The following LARP1 variants were observed in gnomAD, a reference collection of about 807,000 sequenced individuals.
LARP1 encodes the protein La ribonucleoprotein 1, translational regulator.
A neutral mutation model predicts 122.7 loss-of-function variants in LARP1; 36 were observed. The ratio of observed to expected loss-of-function variants is 0.29; its 90% confidence interval spans 0.22 to 0.39. The LOEUF is 0.39. LARP1 is among the 10% of genes least tolerant of loss of function. LARP1 has a pLI of 1.00. For synonymous variants in LARP1, 539 were observed against 528.7 expected, an observed-to-expected ratio of 1.02 and a Z score of -0.27; for missense variants, 1,040 against 1,403.6, an observed-to-expected ratio of 0.74 and a Z score of 4.14.
Position 154,803,442 on chromosome 5 carries a change from A to G in LARP1, c.2233+29A>G, listed in dbSNP as rs370108774. The G allele has an allele frequency of 2.0e-5, 33 of 1,613,998 alleles. No individual in the cohort carries two copies. In the Admixed American group the frequency reaches 3.7e-4, roughly 18 times the overall value. ...AGAAGCAGACACCTGAGATCCTGAC[A>G]TGGGTGAGAGGATCTAGGGCCCTTG... On this transcript the variant is annotated intron_variant, in intron 12 of 18. Transcript: ENST00000518297. This position sits in a 1 kb window ranked among gnomAD's most constrained non-coding sequence, Gnocchi z 4.4.
chr5:154,714,157 T>C (rs1582185428), intron 1 of LARP1, among the ~76,000 whole-genome samples: 1 of 152,208 alleles, frequency 6.6e-6, no homozygotes. Context: ...GTCTGTTCCA[T>C]GGAAGCTTAG....
chr5:154,764,576 A>G (rs1346688405), intron 1 of LARP1, among the ~76,000 whole-genome samples: 3 of 126,562 alleles, frequency 2.4e-5, no homozygotes. Context: ...AGCCTAGGCA[A>G]TGCAGTGAGA....
intron 1 of LARP1, among the ~76,000 whole-genome samples, chr5:154,699,094 C>T (rs1417514366): frequency 2.0e-5 from 3 of 152,190 alleles, no homozygotes; most frequent in South Asian, 2.1e-4. Flanking sequence ...GGTCTGTTCC[C>T]ACTTGGCTAA....
chr5:154,685,133 A>C (rs1214393684), intron 1 of LARP1, among the ~76,000 whole-genome samples: 1 of 152,082 alleles, frequency 6.6e-6, no homozygotes, highest in African/African-American at 2.4e-5. Context: ...AATCCCAGCT[A>C]CTAAGGAGGC....
chr5:154,806,768 C>T (rs949863352), intron 15 of LARP1, among the ~76,000 whole-genome samples: 1 of 152,198 alleles, frequency 6.6e-6, no homozygotes, highest in Non-Finnish European at 1.5e-5. Context: ...TCATCCACTT[C>T]ACTTCTCTCT....
chr5:154,712,306 G>A (rs1755257403), upstream of LARP1, among the ~76,000 whole-genome samples: 2 of 152,232 alleles, frequency 1.3e-5, no homozygotes, highest in African/African-American at 4.8e-5. Context: ...GAGGCAGTGA[G>A]TGACTTGCCA....
intron 1 of LARP1, among the ~76,000 whole-genome samples, chr5:154,727,095 G>A (rs1280820158): frequency 6.6e-6 from 1 of 152,066 alleles, no homozygotes; most frequent in Admixed American, 6.6e-5. Flanking sequence ...TATTTTATAT[G>A]AAATGTGGTT....
chr5:154,741,217 G>C (rs1752866127), intron 1 of LARP1, among the ~76,000 whole-genome samples: 1 of 152,204 alleles, frequency 6.6e-6, no homozygotes, highest in Non-Finnish European at 1.5e-5. Flanking sequence ...TCATAGAGCT[G>C]CAGTCAGAAC....
intron 1 of LARP1, among the ~76,000 whole-genome samples, chr5:154,693,772 C>T (rs576086258): frequency 6.6e-6 from 1 of 150,954 alleles, no homozygotes; most frequent in East Asian, 2.0e-4. Flanking sequence ...AGGAGAACGG[C>T]GTGAACTGGA....
At chr5:154,808,240 G>A (rs1454101493) in intron 15 of LARP1, among the ~76,000 whole-genome samples, 1 of 152,220 alleles carries the variant, frequency 6.6e-6, no homozygotes, top group African/African-American at 2.4e-5. Flanking sequence ...GCTGCCACCT[G>A]CTCCTGGAAA....
chr5:154,759,907 AG>A (rs1449252092), intron 1 of LARP1, among the ~76,000 whole-genome samples: 9 of 150,882 alleles, frequency 6.0e-5, no homozygotes, highest in African/African-American at 2.2e-4. Context: ...CATTTAAGAT[AG>A]GCTGGGCTAA....
intron 1 of LARP1, among the ~76,000 whole-genome samples, chr5:154,731,504 C>T (rs1233931535): frequency 6.6e-6 from 1 of 152,152 alleles, no homozygotes; most frequent in Admixed American, 6.5e-5. Context: ...CAGTACCTTT[C>T]TTAGAGAAGG....
rs1759513807 is a variant in LARP1, at chr5:154,814,204, T to TTA, written c.*109_*110dup. ...GGACAATGAAGGGACAGGCCTGGAGTTACTAGGACAGGCCTTTGTGCTGAG... is the reference window on the plus strand; with the variant it reads ...GGACAATGAAGGGACAGGCCTGGAGTTATACTAGGACAGGCCTTTGTGCTGAG... On this transcript the variant is annotated 3_prime_UTR_variant, in exon 19 of 19. Coordinates refer to ENST00000518297, the MANE Select transcript of LARP1 (RefSeq NM_033551.3). The TTA allele has an allele frequency of 8.7e-6, 10 of 1,143,692 alleles. No homozygotes were observed. The highest frequency in any genetic ancestry group is 1.5e-5 in the African/African-American group (1 of 65,018). The allele number at this position is 1,143,692 out of a possible 1,614,324, so 70.8% of individuals were successfully genotyped here. A position where few individuals can be genotyped will look rare whatever the true frequency, so the allele number is the denominator to read the frequency against.
chr5:154,762,161 C>T (rs1463952067), intron 1 of LARP1, among the ~76,000 whole-genome samples: 2 of 152,042 alleles, frequency 1.3e-5, no homozygotes, highest in African/African-American at 2.4e-5. Flanking sequence ...GAGAATTGCT[C>T]GAACCGGGGA....
At chr5:154,784,171 C>G in intron 1 of LARP1, among the ~76,000 whole-genome samples, 1 of 152,258 alleles carries the variant, frequency 6.6e-6, no homozygotes, top group Middle Eastern at 3.4e-3. Flanking sequence ...GGTGTGAAGT[C>G]GCTATTCATT....
At chr5:154,693,390 G>T (rs548122359) in intron 1 of LARP1, among the ~76,000 whole-genome samples, 193 of 152,232 alleles carry the variant, frequency 1.3e-3, no homozygotes, top group African/African-American at 4.5e-3. Context: ...AATAGGGAGA[G>T]GGCTATTACA....
chr5:154,769,847 G>T (rs566957006), intron 1 of LARP1, among the ~76,000 whole-genome samples: 1 of 152,182 alleles, frequency 6.6e-6, no homozygotes, highest in African/African-American at 2.4e-5. Context: ...TGCCTCTCAC[G>T]GTGAGCCAAG....
chr5:154,796,656 C>CTCT (rs1451858734), intron 8 of LARP1, among the ~76,000 whole-genome samples: 1 of 152,094 alleles, frequency 6.6e-6, no homozygotes, highest in Non-Finnish European at 1.5e-5. Flanking sequence ...CTCTCTTGTG[C>CTCT]TATAAGCTGC....
intron 2 of LARP1, 72 bp downstream of exon 2, chr5:154,790,458 C>CT (rs1232938596): frequency 2.1e-6 from 3 of 1,440,776 alleles, no homozygotes; most frequent in Non-Finnish European, 2.9e-6. Flanking sequence ...TTAGTGAATG[C>CT]TCCTGGACTG....
Sources: gnomAD v4.1 joint callset for allele counts (sites outside exome capture counted in the v4.1 genomes callset) on GRCh38, gnomAD v4.1.1 for gene constraint, Gnocchi (gnomAD v3.1) non-coding constraint, MANE v1.5 for transcripts, NCBI Gene and HGNC (gene_info 2026-07-23, HGNC 2026-07-21) for gene names.